Variants in MBOAT2 observed in about 807,000 individuals in gnomAD.
MBOAT2 encodes membrane bound glycerophospholipid O-acyltransferase 2, also known as membrane-bound glycerophospholipid O-acyltransferase 2.
Under a neutral mutation model 63.4 loss-of-function variants are expected in MBOAT2, and 28 were observed. The observed-to-expected ratio is 0.44, with a 90% CI of 0.33 to 0.61. The LOEUF (loss-of-function observed/expected upper bound fraction) is 0.61. Ranked by LOEUF, MBOAT2 falls within the 20% of genes least tolerant of loss-of-function variation. The pLI is 0.03. For missense variants in MBOAT2, 470 were observed against 605.8 expected (o/e 0.78, Z 2.35); for synonymous variants, 211 against 215.6 (o/e 0.98, Z 0.19).
chr2:8,943,256 AAG>A lies in MBOAT2; in HGVS notation c.228_229del (p.Leu77ThrfsTer45). 1 of 1,567,190 alleles carries A rather than the reference AAG, an allele frequency of 6.4e-7. No individual in the cohort carries two copies. ...AATTCCACTTTGTACAAGAAAGTGT[AAG>A]GCATACCTATAAAAAGTAAGAGCAC... is the stretch of plus-strand genomic sequence containing the variant. On this transcript the variant is annotated frameshift_variant, in exon 3 of 13. Coordinates refer to ENST00000305997, the MANE Select transcript of MBOAT2 (RefSeq NM_138799.4). LOFTEE classifies it high-confidence loss of function.
chr2:8,945,276 A>G (rs754089243), intron 2 of MBOAT2, among the ~76,000 whole-genome samples: 1 of 152,170 alleles, frequency 6.6e-6, no homozygotes, highest in Admixed American at 6.5e-5. Context: ...CTCCACAACA[A>G]GCATTCAGTT....
At chr2:8,979,463 C>T (rs1159924672) in intron 1 of MBOAT2, among the ~76,000 whole-genome samples, 2 of 152,050 alleles carry the variant, frequency 1.3e-5, no homozygotes, top group African/African-American at 4.8e-5. Flanking sequence ...AAAATAATCA[C>T]TGGGATGTGC....
At position 8,897,225 on chromosome 2, in the gene MBOAT2, CCTT is replaced by C. The variant is rs202198571; in HGVS notation, c.396-9155_396-9153del. Among the ~76,000 whole-genome samples, 6 of 137,792 alleles carry C rather than the reference CCTT, an allele frequency of 4.4e-5. No individual in the cohort carries two copies. The East Asian group carries it at 9.7e-4, about 22-fold the overall frequency. The allele number at this position is 137,792 out of a possible 152,430, so 90.4% of individuals were successfully genotyped here. A position where few individuals can be genotyped will look rare whatever the true frequency, so the allele number is the denominator to read the frequency against. On this transcript the variant is annotated intron_variant, in intron 4 of 12. Coordinates refer to ENST00000305997, the MANE Select transcript of MBOAT2 (RefSeq NM_138799.4). ...CATCTTTGTCTCTTCCTCTCTGTCT[CCTT>C]CTTTGTCTCTCTTTCATCCTCTCTC...
intron 3 of MBOAT2, among the ~76,000 whole-genome samples, chr2:8,937,568 G>A (rs976762498): frequency 3.9e-5 from 6 of 152,178 alleles, no homozygotes; most frequent in Non-Finnish European, 5.9e-5. Flanking sequence ...CCTAGATTGA[G>A]ACATCTCAGC....
At chr2:9,001,940 C>G (rs1672719066) in intron 1 of MBOAT2, among the ~76,000 whole-genome samples, 1 of 152,128 alleles carries the variant, frequency 6.6e-6, no homozygotes, top group Non-Finnish European at 1.5e-5. Context: ...AACCTATCTC[C>G]CTTGCTCCTC....
chr2:8,932,302 A>G (rs2103206783), intron 3 of MBOAT2, among the ~76,000 whole-genome samples: 1 of 152,312 alleles, frequency 6.6e-6, no homozygotes, highest in South Asian at 2.1e-4. Context: ...GAACAATTTT[A>G]AATAAAGGGA....
At chr2:8,919,159 G>A (rs1171785870) in intron 3 of MBOAT2, among the ~76,000 whole-genome samples, 2 of 152,164 alleles carry the variant, frequency 1.3e-5, no homozygotes, top group Non-Finnish European at 2.9e-5. Context: ...TCACCAGCCG[G>A]TGAATATTTG....
chr2:8,858,310 T>G lies in MBOAT2; in HGVS notation c.*369A>C, dbSNP rs562675254. The G allele has an allele frequency of 2.0e-4, 35 of 175,914 alleles. No homozygotes were observed. The highest frequency in any genetic ancestry group is 8.0e-4 in the African/African-American group (34 of 42,386). The allele number at this position is 175,914 out of a possible 1,614,324, so 10.9% of individuals were successfully genotyped here. ...TAGAGGGTTTAAGGCAAGACATTCA[T>G]TTGGAAAAGTTAATTTCTCTCTATC... On this transcript the variant is annotated 3_prime_UTR_variant, in exon 13 of 13. Transcript: ENST00000305997.
In MBOAT2 at chr2:8,873,113, G is replaced by A. The variant is rs779386481; in HGVS notation, c.878C>T (p.Thr293Met). The change falls in exon 8 of 13, where the codon ACG becomes ATG. Residue 293 changes from threonine (T) to methionine (M), a missense_variant. This residue lies in a region of MBOAT2 where 376 missense variants were observed against 503.8 expected (regional missense o/e 0.75). Transcript: ENST00000305997. Reference sequence around the variant, plus strand: ...TCTATTTACATGTTACTTACCTAGCGTCCATGCAAAATAGTATTTGGGTCT... The same window carrying A: ...TCTATTTACATGTTACTTACCTAGCATCCATGCAAAATAGTATTTGGGTCT... ...AARPKYYFAWTLADAINNAAG... is the reference protein window; with the variant it reads ...AARPKYYFAWMLADAINNAAG... The A allele has an allele frequency of 8.7e-6, 14 of 1,612,888 alleles. No homozygotes were observed. The highest frequency in any genetic ancestry group is 2.2e-5 in the East Asian group (1 of 44,874).
At chr2:8,954,367 T>C (rs555164885) in intron 2 of MBOAT2, among the ~76,000 whole-genome samples, 63 of 152,036 alleles carry the variant, frequency 4.1e-4, no homozygotes, top group Non-Finnish European at 7.8e-4. Context: ...GTGGAGTATA[T>C]AGTGGTCTGA....
chr2:8,913,821 G>A (rs541049699), intron 3 of MBOAT2, among the ~76,000 whole-genome samples: 1 of 151,602 alleles, frequency 6.6e-6, no homozygotes, highest in Non-Finnish European at 1.5e-5. Context: ...CCACTACTGG[G>A]TATCTACCCA....
chr2:8,893,030 G>GA (rs946892167), intron 4 of MBOAT2, among the ~76,000 whole-genome samples: 1 of 140,024 alleles, frequency 7.1e-6, no homozygotes, highest in African/African-American at 2.6e-5. Flanking sequence ...ACTCTAGGTT[G>GA]AAAAAAGACT....
chr2:8,995,594 T>TC (rs1478638233), intron 1 of MBOAT2, among the ~76,000 whole-genome samples: 1 of 150,796 alleles, frequency 6.6e-6, no homozygotes, highest in East Asian at 1.9e-4. Context: ...CATTCCATTT[T>TC]TTTTTTTTTT....
intron 1 of MBOAT2, among the ~76,000 whole-genome samples, chr2:8,984,644 T>C (rs535654273): frequency 5.3e-4 from 80 of 152,042 alleles, no homozygotes; most frequent in African/African-American, 1.9e-3. Flanking sequence ...CAGAAAGCTC[T>C]AAAAATAAAT....
intron 3 of MBOAT2, among the ~76,000 whole-genome samples, chr2:8,935,191 G>A (rs549454126): frequency 1.3e-5 from 2 of 152,244 alleles, no homozygotes; most frequent in Admixed American, 6.5e-5. Context: ...AGGAGACTAC[G>A]GCAAGTCAAC....
intron 5 of MBOAT2, among the ~76,000 whole-genome samples, chr2:8,883,330 T>C (rs1031887183): frequency 6.6e-6 from 1 of 152,168 alleles, no homozygotes; most frequent in Non-Finnish European, 1.5e-5. Flanking sequence ...CGTGAAATGT[T>C]AATTTCACGA....
intron 2 of MBOAT2, among the ~76,000 whole-genome samples, chr2:8,951,728 A>G (rs1051440743): frequency 3.9e-5 from 6 of 152,198 alleles, no homozygotes; most frequent in African/African-American, 7.2e-5. Flanking sequence ...AGAGATGTTT[A>G]TAATAGTCTC....
chr2:8,893,415 T>A (rs1320475002), intron 4 of MBOAT2, among the ~76,000 whole-genome samples: 1 of 152,124 alleles, frequency 6.6e-6, no homozygotes, highest in Non-Finnish European at 1.5e-5. Flanking sequence ...ACATCAGCTG[T>A]GGAAAACAAG....
chr2:8,985,386 G>A (rs1326408875), intron 1 of MBOAT2, among the ~76,000 whole-genome samples: 1 of 152,100 alleles, frequency 6.6e-6, no homozygotes, highest in African/African-American at 2.4e-5. Flanking sequence ...AAGATAAAAT[G>A]TGTGACCCCC....
Sources: allele counts gnomAD v4.1 joint callset (sites outside exome capture counted in the v4.1 genomes callset), GRCh38; gene constraint gnomAD v4.1.1; regional missense constraint gnomAD v4.1.1; transcripts MANE v1.5; gene names NCBI Gene and HGNC (gene_info 2026-07-23, HGNC 2026-07-21).